The following CSRNP3 variants were observed in gnomAD, a reference collection of about 807,000 sequenced individuals.
CSRNP3 encodes the protein cysteine and serine rich nuclear protein 3, also known as cysteine/serine-rich nuclear protein 3.
A neutral mutation model predicts 48.0 loss-of-function variants in CSRNP3; 12 were observed. That is an observed-to-expected ratio of 0.25 (90% confidence interval 0.16 to 0.41). CSRNP3 has a LOEUF of 0.41. Ranked by LOEUF, CSRNP3 falls within the 10% of genes least tolerant of loss-of-function variation. The pLI, the probability that CSRNP3 is intolerant of heterozygous loss-of-function variation, is 1.00. For synonymous variants in CSRNP3, 263 were observed against 269.7 expected (o/e 0.98, Z 0.24); for missense variants, 580 against 724.4 (o/e 0.80, Z 2.29).
intron 1 of CSRNP3, among the ~76,000 whole-genome samples, chr2:165,494,335 G>T (rs1360007330): frequency 6.6e-6 from 1 of 152,016 alleles, no homozygotes; most frequent in African/African-American, 2.4e-5. Context: ...TCCCAAGCAA[G>T]ATAGACATAC....
intron 3 of CSRNP3, among the ~76,000 whole-genome samples, chr2:165,519,183 G>A (rs983324126): frequency 1.6e-4 from 24 of 152,036 alleles, no homozygotes; most frequent in African/African-American, 5.6e-4. Flanking sequence ...TTCTAGGAAT[G>A]AAAAGTCTCT....
chr2:165,666,203 G>T (rs1164975347), intron 5 of CSRNP3, among the ~76,000 whole-genome samples: 16 of 124,106 alleles, frequency 1.3e-4, no homozygotes, highest in African/African-American at 1.8e-4. Context: ...AAGAGAGAGA[G>T]GAAGAAAGAA....
At chr2:165,603,433 G>T (rs1685951098) in intron 4 of CSRNP3, among the ~76,000 whole-genome samples, 1 of 152,100 alleles carries the variant, frequency 6.6e-6, no homozygotes, top group African/African-American at 2.4e-5. Context: ...CCCACAAGAC[G>T]TTTGCAAACC....
At chr2:165,485,106 G>A (rs528747733) in intron 1 of CSRNP3, among the ~76,000 whole-genome samples, 2 of 152,272 alleles carry the variant, frequency 1.3e-5, no homozygotes, top group South Asian at 4.1e-4. Context: ...CTGGAGGGTG[G>A]AAGTCCAAGA....
chr2:165,667,778 T>C (rs544095190), intron 5 of CSRNP3, among the ~76,000 whole-genome samples: 15 of 152,350 alleles, frequency 9.8e-5, no homozygotes, highest in African/African-American at 3.6e-4. Flanking sequence ...GTCTATTCTC[T>C]CTTCCACCCC....
chr2:165,567,586 G>A (rs991767510), intron 3 of CSRNP3, among the ~76,000 whole-genome samples: 5 of 152,018 alleles, frequency 3.3e-5, no homozygotes, highest in Non-Finnish European at 5.9e-5. Context: ...ATGAAAAACC[G>A]AAAGGGTAAA....
chr2:165,593,932 T>TGACC (rs1685767360), intron 3 of CSRNP3, among the ~76,000 whole-genome samples: 3 of 152,222 alleles, frequency 2.0e-5, no homozygotes, highest in South Asian at 4.1e-4. Flanking sequence ...ATACCTGACC[T>TGACC]TATCTGATGG....
intron 3 of CSRNP3, among the ~76,000 whole-genome samples, chr2:165,554,844 G>T (rs565893247): frequency 6.6e-6 from 1 of 152,196 alleles, no homozygotes; most frequent in Admixed American, 6.5e-5. Flanking sequence ...CAGAGTAAAA[G>T]TCAAAATTCT....
At chr2:165,604,850 TC>T (rs1374062060) in intron 4 of CSRNP3, among the ~76,000 whole-genome samples, 16 of 152,342 alleles carry the variant, frequency 1.1e-4, no homozygotes, top group African/African-American at 1.2e-4. Flanking sequence ...AAATTCAGGA[TC>T]AGGACCTCAC....
At chr2:165,510,210 C>A (rs927459736) in intron 2 of CSRNP3, among the ~76,000 whole-genome samples, 1 of 151,986 alleles carries the variant, frequency 6.6e-6, no homozygotes, top group African/African-American at 2.4e-5. Flanking sequence ...CTAACCCAAC[C>A]CAGGTCACAC....
intron 4 of CSRNP3, among the ~76,000 whole-genome samples, chr2:165,602,919 CAG>C (rs1685940183): frequency 6.6e-6 from 1 of 151,790 alleles, no homozygotes; most frequent in Non-Finnish European, 1.5e-5. Context: ...TTTTTTGAGA[CAG>C]AGTCTCGCTG....
intron 5 of CSRNP3, among the ~76,000 whole-genome samples, chr2:165,673,220 C>G (rs1367180870): frequency 7.4e-6 from 1 of 134,656 alleles, no homozygotes; most frequent in Non-Finnish European, 1.5e-5. Flanking sequence ...TCACTGCAAC[C>G]TTTGCCTCCC....
intron 2 of CSRNP3, among the ~76,000 whole-genome samples, chr2:165,512,443 T>C (rs1271209839): frequency 2.0e-5 from 3 of 152,226 alleles, no homozygotes; most frequent in Admixed American, 2.0e-4. Context: ...TTTTAGAAAA[T>C]TGTTTGCACA....
At chr2:165,604,761 T>C (rs1010843910) in intron 4 of CSRNP3, among the ~76,000 whole-genome samples, 2 of 152,092 alleles carry the variant, frequency 1.3e-5, no homozygotes, top group African/African-American at 2.4e-5. Flanking sequence ...TTGAATTGGC[T>C]AGGAAAAAAG....
intron 3 of CSRNP3, among the ~76,000 whole-genome samples, chr2:165,565,201 T>A (rs1383867227): frequency 6.6e-6 from 1 of 152,066 alleles, no homozygotes; most frequent in African/African-American, 2.4e-5. Context: ...AATATTCCAA[T>A]AAAATGTGTT....
intron 5 of CSRNP3, among the ~76,000 whole-genome samples, chr2:165,675,660 C>T (rs1276381286): frequency 6.6e-6 from 1 of 152,194 alleles, no homozygotes; most frequent in Non-Finnish European, 1.5e-5. Flanking sequence ...ATTGTTTCAG[C>T]TGTTGGTTGC....
chr2:165,670,894 T>G (rs1687317082), intron 5 of CSRNP3, among the ~76,000 whole-genome samples: 1 of 152,194 alleles, frequency 6.6e-6, no homozygotes, highest in Admixed American at 6.5e-5. Context: ...CAACATTATT[T>G]TTTTGAAAAA....
In CSRNP3 at chr2:165,681,750, TATATATATATACACACAC is replaced by T. The variant is rs1350148138; in HGVS notation, c.*1999_*2016del. 9.0e-4 allele frequency: 84 copies of T among 92,914 alleles called. No individual in the cohort carries two copies. The highest frequency in any genetic ancestry group is 2.3e-3 in the African/African-American group (64 of 28,284). 5.8% of individuals were successfully genotyped at this position (92,914 alleles called of 1,614,324 possible). The stretch of plus-strand genomic sequence containing the variant: ...ACATATATATATATATATATATATA[TATATATATATACACACAC>T]ACACACACATACACATATATATACA... On this transcript the variant is annotated 3_prime_UTR_variant, in exon 7 of 7. Transcript: ENST00000651982.
chr2:165,540,260 T>C (rs1684936400), intron 3 of CSRNP3, among the ~76,000 whole-genome samples: 1 of 152,064 alleles, frequency 6.6e-6, no homozygotes, highest in Non-Finnish European at 1.5e-5. Flanking sequence ...TCTTTATTGT[T>C]AAATTCAGTG....
Sources: gnomAD v4.1 joint callset for allele counts (sites outside exome capture counted in the v4.1 genomes callset) on GRCh38, gnomAD v4.1.1 for gene constraint, MANE v1.5 for transcripts, NCBI Gene and HGNC (gene_info 2026-07-23, HGNC 2026-07-21) for gene names.